Variants in DNAH14 observed in about 807,000 individuals in gnomAD.
DNAH14 encodes axonemal beta dynein heavy chain 14.
In DNAH14, 478 loss-of-function variants were observed where a neutral mutation model predicts 520.9. The ratio of observed to expected loss-of-function variants is 0.92; its 90% CI spans 0.85 to 0.99. The LOEUF is 0.99. Among genes scored for constraint, DNAH14 ranks in the 50% least tolerant of loss-of-function variants. The pLI is 0.00. For synonymous variants in DNAH14, 1,581 were observed against 1,757.2 expected (o/e 0.90, Z 2.51); for missense variants, 4,831 against 5,234.5 (o/e 0.92, Z 2.38).
intron 16 of DNAH14, 103 bp from the exon 17 acceptor site, chr1:225,051,347 CA>C: frequency 1.2e-6 from 1 of 808,390 alleles, no homozygotes; most frequent in East Asian, 2.9e-5. Context: ...ATAAACTCCA[CA>C]TAGCACTATT....
chr1:224,976,186 A>G (rs1429904048), intron 8 of DNAH14, among the ~76,000 whole-genome samples: 3 of 152,084 alleles, frequency 2.0e-5, no homozygotes, highest in African/African-American at 4.8e-5. Context: ...GTGGTGCTGA[A>G]AAAAATGTAT....
chr1:225,349,369 G>A (rs3913653), intron 71 of DNAH14, among the ~76,000 whole-genome samples: 90,704 of 151,890 alleles, frequency 0.6, 28,178 homozygotes, highest in East Asian at 0.76. Context: ...ATAAAATACC[G>A]AAAAAGGCAA....
chr1:225,325,950 T>C (rs1372756595), intron 64 of DNAH14, among the ~76,000 whole-genome samples: 1 of 152,184 alleles, frequency 6.6e-6, no homozygotes, highest in East Asian at 1.9e-4. Context: ...AACTGAGATA[T>C]ATTAAAAAGG....
At position 225,346,400 on chromosome 1, in the gene DNAH14, G is replaced by A. The variant is rs2095286428; in HGVS notation, c.11097+20G>A. ...TTTAAGGTGAGATATTCTTTAGTGT[G>A]AATTTTACATGCTTATTTAATCTCA... On this transcript the variant is annotated intron_variant, in intron 70 of 85. Coordinates refer to ENST00000682510, the MANE Select transcript of DNAH14 (RefSeq NM_001367479.1). The A allele has an allele frequency of 2.0e-6, 3 of 1,526,796 alleles. No individual in the cohort carries two copies. The highest frequency in any genetic ancestry group is 1.8e-6 in the Non-Finnish European group (2 of 1,138,428). 94.6% of individuals were successfully genotyped at this position (1,526,796 alleles called of 1,614,324 possible). A position where few individuals can be genotyped will look rare whatever the true frequency, so the allele number is the denominator to read the frequency against.
intron 22 of DNAH14, among the ~76,000 whole-genome samples, chr1:225,100,391 G>A (rs1424227513): frequency 6.6e-6 from 1 of 152,102 alleles, no homozygotes; most frequent in Non-Finnish European, 1.5e-5. Context: ...TAGATCGTCA[G>A]TAACCCTTTG....
chr1:225,079,639 G>T, intron 18 of DNAH14, 91 bp downstream of exon 18: 1 of 892,646 alleles, frequency 1.1e-6, no homozygotes, highest in Non-Finnish European at 1.6e-6. Flanking sequence ...TGCTTTCAGT[G>T]GAATTTTGGC....
Position 225,106,652 on chromosome 1 carries a change from T to C in DNAH14, c.3867+5768T>C, listed in dbSNP as rs549146139. ...ATTTGATCTTCCATCACGGATACTCTTTCTTCCAGTTGATTGAATCGGCTA... is the reference window on the plus strand; with the variant it reads ...ATTTGATCTTCCATCACGGATACTCCTTCTTCCAGTTGATTGAATCGGCTA... On this transcript the variant is annotated intron_variant, in intron 23 of 85. Coordinates refer to ENST00000682510, the MANE Select transcript of DNAH14 (RefSeq NM_001367479.1). Among the ~76,000 whole-genome samples, 6 of 152,354 alleles carry C rather than the reference T, an allele frequency of 3.9e-5. No homozygotes were observed. The East Asian group carries it at 1.2e-3, about 29-fold the overall frequency.
intron 1 of DNAH14, among the ~76,000 whole-genome samples, chr1:224,940,227 A>G (rs2059319181): frequency 6.6e-6 from 1 of 152,180 alleles, no homozygotes; most frequent in Non-Finnish European, 1.5e-5. Flanking sequence ...GCTTAGCTTT[A>G]AAAGGGAAAG....
chr1:225,012,264 T>C (rs893236199), intron 10 of DNAH14, among the ~76,000 whole-genome samples: 1 of 152,208 alleles, frequency 6.6e-6, no homozygotes, highest in Non-Finnish European at 1.5e-5. Flanking sequence ...TCTTTAAGAA[T>C]GTTGAATATT....
Position 225,025,661 on chromosome 1 carries a change from G to T in DNAH14, c.1358+1796G>T, listed in dbSNP as rs187023097. 7.1e-3 allele frequency among the ~76,000 whole-genome samples: 1,078 copies of T among 152,112 alleles called. 8 individuals are homozygous for T. Among genetic ancestry groups the T allele is most frequent in the African/African-American group, 0.024 (1,011 of 41,504 alleles). On this transcript the variant is annotated intron_variant, in intron 11 of 85. Transcript: ENST00000682510. The stretch of plus-strand genomic sequence containing the variant: ...TCCCAGCTCCTCGGGAGGCTGAGGT[G>T]GGAGGATCACTTGAGCCCAGGAGGT...
At chr1:224,956,502 T>C (rs2060521857) in intron 3 of DNAH14, among the ~76,000 whole-genome samples, 2 of 152,152 alleles carry the variant, frequency 1.3e-5, no homozygotes, top group African/African-American at 4.8e-5. Context: ...CTCGGAGTAA[T>C]AGTCTATTCC....
At chr1:225,167,813 A>C in intron 35 of DNAH14, 126 bp from the exon 36 acceptor site, 1 of 513,760 alleles carries the variant, frequency 1.9e-6, no homozygotes, top group Non-Finnish European at 3.3e-6. Flanking sequence ...TTGGTGAACT[A>C]AAAAATCAAG....
intron 60 of DNAH14, among the ~76,000 whole-genome samples, chr1:225,309,107 T>C (rs1051142861): frequency 6.6e-6 from 1 of 152,254 alleles, no homozygotes; most frequent in African/African-American, 2.4e-5. Context: ...AGGTTTATTA[T>C]GAATAACAGT....
In DNAH14 at chr1:225,285,812, G is replaced by A. The variant is rs537219905; in HGVS notation, c.8272-4073G>A. Among the ~76,000 whole-genome samples the A allele has an allele frequency of 6.6e-5, 10 of 152,290 alleles. No homozygotes were observed. In the East Asian group the frequency reaches 1.7e-3, roughly 26 times the overall value. On this transcript the variant is annotated intron_variant, in intron 54 of 85. Coordinates refer to ENST00000682510, the MANE Select transcript of DNAH14 (RefSeq NM_001367479.1). Reference sequence around the variant, plus strand: ...TTCACGGCTGCAGTAAGCTGTGATAGCACCACTGCACTCCAGCCTGGGTGA... The same window carrying A: ...TTCACGGCTGCAGTAAGCTGTGATAACACCACTGCACTCCAGCCTGGGTGA...
chr1:225,198,116 G>T (rs1005889684), intron 38 of DNAH14, among the ~76,000 whole-genome samples: 2 of 152,090 alleles, frequency 1.3e-5, no homozygotes, highest in Non-Finnish European at 2.9e-5. Context: ...TCTAGCTCCA[G>T]TTCTCAGAAG....
rs180907873 is a variant in DNAH14 at position 225,010,824 on chromosome 1, G to A, written c.1107+3280G>A. On this transcript the variant is annotated intron_variant, in intron 10 of 85. Coordinates refer to ENST00000682510, the MANE Select transcript of DNAH14 (RefSeq NM_001367479.1). ...CATCTTCTTCCTGGTTTAGTCTTGG[G>A]AAGCTGTATGTGTCCAGGAATTTAT... Among the ~76,000 whole-genome samples, 11 of 152,054 alleles carry A rather than the reference G, an allele frequency of 7.2e-5. No individual in the cohort carries two copies. In the East Asian group the frequency reaches 1.5e-3, roughly 21 times the overall value.
chr1:225,127,328 A>G (rs1177691016), intron 27 of DNAH14, among the ~76,000 whole-genome samples: 4 of 151,300 alleles, frequency 2.6e-5, no homozygotes, highest in Non-Finnish European at 5.9e-5. Flanking sequence ...TCCCATTATT[A>G]TTGTGTGGGA....
chr1:225,170,232 TAACATC>T (rs1429324347), intron 36 of DNAH14, among the ~76,000 whole-genome samples: 4 of 152,082 alleles, frequency 2.6e-5, no homozygotes, highest in Admixed American at 1.3e-4. Flanking sequence ...AATAACCAGG[TAACATC>T]ATAATAACAG....
intron 75 of DNAH14, among the ~76,000 whole-genome samples, chr1:225,363,644 G>C (rs1195073877): frequency 6.6e-6 from 1 of 152,136 alleles, no homozygotes. Flanking sequence ...ACAGGGGATT[G>C]GTTCCAGGAC....
Sources: allele counts gnomAD v4.1 joint callset (sites outside exome capture counted in the v4.1 genomes callset), GRCh38; gene constraint gnomAD v4.1.1; transcripts MANE v1.5; gene names NCBI Gene and HGNC (gene_info 2026-07-23, HGNC 2026-07-21).